Variants in EDA observed in about 807,000 individuals in gnomAD.
The protein encoded by EDA is ectodysplasin A.
In EDA, 2 loss-of-function variants were observed where a neutral mutation model predicts 23.6. The ratio of observed to expected loss-of-function variants is 0.08; its 90% confidence interval spans 0.03 to 0.27. EDA has a LOEUF of 0.27. Among genes scored for constraint, EDA ranks in the 10% least tolerant of loss-of-function variants. EDA has a pLI of 1.00. For missense variants in EDA, 229 were observed against 324.2 expected (o/e 0.71, Z 2.26); for synonymous variants, 131 against 132.0 (o/e 0.99, Z 0.05).
chrX:69,810,756 CAA>C (rs55802103), intron 1 of EDA, among the ~76,000 whole-genome samples: 21 of 85,301 alleles, frequency 2.5e-4, no homozygotes, highest in Admixed American at 4.0e-4. Context: ...GACTCCATCT[CAA>C]AAAAAAAAAA....
intron 1 of EDA, among the ~76,000 whole-genome samples, chrX:69,884,172 A>G (rs1396234018): frequency 2.7e-5 from 3 of 112,212 alleles, no homozygotes; most frequent in Non-Finnish European, 5.6e-5. Flanking sequence ...TATAGATAGT[A>G]GTAGTTGACA....
intron 1 of EDA, among the ~76,000 whole-genome samples, chrX:69,810,934 G>T (rs552775293): frequency 9.0e-6 from 1 of 111,297 alleles, no homozygotes; most frequent in Admixed American, 9.5e-5. Context: ...AAACATTTGG[G>T]GCTGTCTTCT....
chrX:69,834,351 AG>A (rs1381767833), intron 1 of EDA, among the ~76,000 whole-genome samples: 1 of 110,759 alleles, frequency 9.0e-6, no homozygotes, highest in Non-Finnish European at 1.9e-5. Context: ...GTCTCTTTTT[AG>A]GTCTCTCAGT....
intron 2 of EDA, among the ~76,000 whole-genome samples, chrX:69,964,942 T>A (rs2019154009): frequency 8.9e-6 from 1 of 111,982 alleles, no homozygotes; most frequent in African/African-American, 3.2e-5. Flanking sequence ...CCAAACTAGT[T>A]GTTAAATCAA....
chrX:69,987,969 GGCTCA>G (rs1371705039), intron 2 of EDA, among the ~76,000 whole-genome samples: 1 of 111,754 alleles, frequency 8.9e-6, no homozygotes, highest in East Asian at 2.8e-4. Context: ...GAGAATTAAT[GGCTCA>G]GTATAAGGTA....
At chrX:69,963,278 A>C (rs2019127900) in intron 2 of EDA, among the ~76,000 whole-genome samples, 1 of 112,149 alleles carries the variant, frequency 8.9e-6, no homozygotes, top group Admixed American at 9.5e-5. Flanking sequence ...TGCCCGTACA[A>C]ATGTTAGCTA....
At chrX:69,917,467 A>C (rs1433725989) in intron 1 of EDA, among the ~76,000 whole-genome samples, 2 of 111,788 alleles carry the variant, frequency 1.8e-5, no homozygotes, top group African/African-American at 6.5e-5. Context: ...TTTGAACTCA[A>C]AACTAGGAGA....
At chrX:69,753,335 C>A (rs908169845) in intron 1 of EDA, among the ~76,000 whole-genome samples, 3 of 111,993 alleles carry the variant, frequency 2.7e-5, no homozygotes, top group Non-Finnish European at 3.8e-5. Context: ...TCGTTATGTA[C>A]CCAGCAGTCA....
intron 2 of EDA, among the ~76,000 whole-genome samples, chrX:69,978,048 C>T (rs946809807): frequency 2.7e-5 from 3 of 110,715 alleles, no homozygotes; most frequent in African/African-American, 6.6e-5. Flanking sequence ...ATCCCTTGTA[C>T]TTTGAGGATG....
At chrX:69,817,125 C>T (rs1191927543) in intron 1 of EDA, among the ~76,000 whole-genome samples, 1 of 111,796 alleles carries the variant, frequency 8.9e-6, no homozygotes, top group Admixed American at 9.5e-5. Flanking sequence ...AAATAAGCTT[C>T]ATAAGCGAAG....
intron 1 of EDA, among the ~76,000 whole-genome samples, chrX:69,717,004 A>G (rs1244943007): frequency 9.0e-6 from 1 of 111,283 alleles, no homozygotes; most frequent in East Asian, 2.8e-4. Context: ...GAATCATGTC[A>G]TCAGCAAACA....
intron 1 of EDA, among the ~76,000 whole-genome samples, chrX:69,835,460 T>C (rs1468898597): frequency 8.9e-6 from 1 of 112,032 alleles, no homozygotes; most frequent in Non-Finnish European, 1.9e-5. Context: ...ATTTCATTAA[T>C]TTGATCTTCA....
At chrX:69,927,577 T>C (rs1376646335) in intron 1 of EDA, among the ~76,000 whole-genome samples, 3 of 111,253 alleles carry the variant, frequency 2.7e-5, no homozygotes, top group Non-Finnish European at 5.7e-5. Flanking sequence ...CTGGCTGCCC[T>C]TAACACTTTT....
chrX:69,675,972 G>T (rs187419649), intron 1 of EDA, among the ~76,000 whole-genome samples: 3 of 111,117 alleles, frequency 2.7e-5, no homozygotes, highest in African/African-American at 6.5e-5. Flanking sequence ...AGCATTCCAG[G>T]CAGAAGAAGT....
chrX:69,938,460 A>AT (rs1254642437), intron 1 of EDA, among the ~76,000 whole-genome samples: 2 of 110,853 alleles, frequency 1.8e-5, no homozygotes, highest in East Asian at 2.8e-4. Flanking sequence ...GAATTATTAG[A>AT]TTTTTTTTCC....
intron 1 of EDA, among the ~76,000 whole-genome samples, chrX:69,677,763 A>G (rs1014426686): frequency 9.0e-6 from 1 of 111,249 alleles, no homozygotes; most frequent in Non-Finnish European, 1.9e-5. Flanking sequence ...ATTTTCTCCC[A>G]TTCTGTAGGT....
chrX:69,668,014 C>T (rs1933748824), intron 1 of EDA, among the ~76,000 whole-genome samples: 1 of 112,335 alleles, frequency 8.9e-6, no homozygotes, highest in African/African-American at 3.2e-5. Context: ...GCCCACCTCC[C>T]ATCACTGTTG....
Position 70,039,226 on chromosome X carries a change from A to C in EDA, c.*3617A>C, listed in dbSNP as rs1240270627. On this transcript the variant is annotated 3_prime_UTR_variant, in exon 8 of 8. Coordinates refer to ENST00000374552, the MANE Select transcript of EDA (RefSeq NM_001399.5). ...AAAGCTGATTTTTGTCTTTTAATCC[A>C]TTTCAGGACTCTCTCCAGGAGGGCT... 1 of 111,150 alleles carries C rather than the reference A, an allele frequency of 9.0e-6. No individual in the cohort carries two copies. Among genetic ancestry groups the C allele is most frequent in the Non-Finnish European group, 1.9e-5 (1 of 52,960 alleles). The allele number at this position is 111,150 out of a possible 1,213,427, so 9.2% of individuals were successfully genotyped here.
chrX:69,807,434 G>A (rs190883385), intron 1 of EDA, among the ~76,000 whole-genome samples: 111 of 97,398 alleles, frequency 1.1e-3, no homozygotes, highest in Non-Finnish European at 1.6e-3. Context: ...ACTGGATATG[G>A]ACTACAGGAG....
Sources: allele counts gnomAD v4.1 joint callset (sites outside exome capture counted in the v4.1 genomes callset), GRCh38; gene constraint gnomAD v4.1.1; transcripts MANE v1.5; gene names NCBI Gene and HGNC (gene_info 2026-07-23, HGNC 2026-07-21).